MYH6: variants seen among roughly 807,000 people sequenced by gnomAD.
The protein encoded by MYH6 is myosin-6.
Under a neutral mutation model 223.2 loss-of-function variants are expected in MYH6, and 126 were observed. That is an observed-to-expected ratio of 0.56 (90% CI 0.49 to 0.65). The LOEUF (loss-of-function observed/expected upper bound fraction) is 0.65. Among genes scored for constraint, MYH6 ranks in the 30% least tolerant of loss-of-function variants. The pLI, the probability that MYH6 is intolerant of heterozygous loss-of-function variation, is 0.00. For synonymous variants in MYH6, 978 were observed against 1,010.2 expected (o/e 0.97, Z 0.61); for missense variants, 2,040 against 2,536.4 (o/e 0.80, Z 4.20).
Position 23,405,037 on chromosome 14 carries a change from C to G in MYH6, c.530+63G>C. On this transcript the variant is annotated intron_variant, in intron 6 of 38. Coordinates refer to ENST00000405093, the MANE Select transcript of MYH6 (RefSeq NM_002471.4). The surrounding 1 kb of genome is among the most constrained non-coding windows in gnomAD (Gnocchi z 4.7). ...CTTAAACCTCTCCTCCCAACTACAC[C>G]CTAGGCATCAGCGTGTATGCCCCCA... 4 of 1,607,496 alleles carry G rather than the reference C, an allele frequency of 2.5e-6. No homozygotes were observed. The highest frequency in any genetic ancestry group is 3.3e-5 in the Admixed American group (2 of 59,994).
rs192634230 is a variant in MYH6 at position 23,401,119 on chromosome 14, G to T, written c.1142-142C>A. 2.3e-4 allele frequency: 322 copies of T among 1,370,518 alleles called. No individual in the cohort carries two copies. In the African/African-American group the frequency reaches 4.5e-3, roughly 19 times the overall value. 84.9% of individuals were successfully genotyped at this position (1,370,518 alleles called of 1,614,324 possible). A position where few individuals can be genotyped will look rare whatever the true frequency, so the allele number is the denominator to read the frequency against. On this transcript the variant is annotated intron_variant, in intron 12 of 38. Coordinates refer to ENST00000405093, the MANE Select transcript of MYH6 (RefSeq NM_002471.4). ...CCTCCTGGGTTCAAGTGATTTTCCT[G>T]CCTCAGCCTCCCAAGTAGCTGGGAC...
chr14:23,405,278 C>T lies in MYH6; in HGVS notation c.447G>A (p.Glu149=), dbSNP rs748910724. ...VAAYRGKKRS[E]APPHIFSISD... is the part of the protein sequence containing the mutation. Reference sequence around the variant, plus strand: ...AGATGGAGAAGATGTGGGGCGGGGCCTCACTCCTCTTCTTGCCCCGGTAGG... The same window carrying T: ...AGATGGAGAAGATGTGGGGCGGGGCTTCACTCCTCTTCTTGCCCCGGTAGG... Residue 149 remains glutamate, a synonymous_variant, in exon 5 of 39, where the codon GAG becomes GAA. Transcript: ENST00000405093. This position sits in a 1 kb window ranked among gnomAD's most constrained non-coding sequence, Gnocchi z 4.7. 1 of 1,614,150 alleles carries T rather than the reference C, an allele frequency of 6.2e-7. No individual in the cohort carries two copies. The highest frequency in any genetic ancestry group is 8.5e-7 in the Non-Finnish European group (1 of 1,180,026).
In MYH6 at chr14:23,394,244, T is replaced by G; in HGVS notation, c.2509A>C (p.Lys837Gln). ...GCGCTCTTCAGCAGCGGCTTGATCT[T>G]GAAGTAGAGCTTCATCCAGGGCCAA... Reference protein sequence around the residue: ...KNWPWMKLYFKIKPLLKSAET... With the variant: ...KNWPWMKLYFQIKPLLKSAET... The change falls in exon 21 of 39, where the codon AAG (lysine) becomes CAG (glutamine). Residue 837 changes from lysine to glutamine, a missense_variant. By Grantham distance (53) the Lys-to-Gln change is moderately conservative. Coordinates refer to ENST00000405093, the MANE Select transcript of MYH6 (RefSeq NM_002471.4). The G allele has an allele frequency of 1.2e-6, 2 of 1,614,232 alleles. No homozygotes were observed. Among genetic ancestry groups the G allele is most frequent in the Non-Finnish European group, 1.7e-6 (2 of 1,180,046 alleles).
intron 26 of MYH6, 55 bp from the exon 27 acceptor site, chr14:23,389,774 G>A: frequency 6.2e-7 from 1 of 1,613,796 alleles, no homozygotes; most frequent in South Asian, 1.1e-5. Context: ...TCGACCAGAG[G>A]AAGGAAGAGA....
At chr14:23,392,423 G>T (rs759214193) in intron 25 of MYH6, 139 bp downstream of exon 25, 3 of 773,972 alleles carry the variant, frequency 3.9e-6, no homozygotes, top group African/African-American at 1.7e-5. Context: ...GTTCCTGAGC[G>T]CCTGTAAGTC....
intron 20 of MYH6, among the ~76,000 whole-genome samples, chr14:23,395,718 T>C (rs913216989): frequency 1.3e-5 from 2 of 152,066 alleles, no homozygotes; most frequent in African/African-American, 4.8e-5. Context: ...TTAGTAGAGA[T>C]GGGGTTTCAC....
rs201830842 is a variant in MYH6, at chr14:23,387,804, G to A, written c.4479C>T (p.Ser1493=). The A allele has an allele frequency of 2.5e-6, 4 of 1,614,022 alleles. No individual in the cohort carries two copies. The highest frequency in any genetic ancestry group is 1.3e-5 in the African/African-American group (1 of 74,972). ...LFKLKNAYEE[S]LEHLETFKRE... ...GCTTGAAGGTCTCTAGGTGCTCCAG[G>A]GACTCCTCGTAGGCGTTCTTGAGCT... Residue 1493 remains serine, a synonymous_variant, in exon 31 of 39, where the codon TCC becomes TCT. Transcript: ENST00000405093.
chr14:23,400,531 T>G, intron 13 of MYH6, 105 bp from the exon 14 acceptor site: 3 of 1,596,536 alleles, frequency 1.9e-6, no homozygotes, highest in Non-Finnish European at 2.6e-6. Context: ...GGCTGTCCCC[T>G]CCATGTCAGG....
At position 23,387,806 on chromosome 14, in the gene MYH6, ACTC is replaced by A. The variant is rs750730333; in HGVS notation, c.4474_4476del (p.Glu1492del). The A allele has an allele frequency of 3.1e-6, 5 of 1,613,060 alleles. No homozygotes were observed. The South Asian group carries it at 4.4e-5, about 14-fold the overall frequency. On this transcript the variant is annotated inframe_deletion, in exon 31 of 39. Coordinates refer to ENST00000405093, the MANE Select transcript of MYH6 (RefSeq NM_002471.4). ...TTGAAGGTCTCTAGGTGCTCCAGGG[ACTC>A]CTCGTAGGCGTTCTTGAGCTTGAAG...
chr14:23,400,358 G>A lies in MYH6; in HGVS notation c.1479C>T (p.His493=), dbSNP rs757784796. 1.2e-6 allele frequency: 2 copies of A among 1,614,234 alleles called. No individual in the cohort carries two copies. The highest frequency in any genetic ancestry group is 1.7e-6 in the Non-Finnish European group (2 of 1,180,044). The change falls in exon 14 of 39, where the codon CAC becomes CAT. Residue 493 remains histidine (H), a synonymous_variant. Coordinates refer to ENST00000405093, the MANE Select transcript of MYH6 (RefSeq NM_002471.4). ...ACTCCTCCTGCTCCAGCACGAACAT[G>A]TGGTGGTTGAAGAACTGCTGCAGCT... is the stretch of plus-strand genomic sequence containing the variant. ...NEKLQQFFNH[H]MFVLEQEEYK...
In MYH6 at chr14:23,387,824, T is replaced by C; in HGVS notation, c.4459A>G (p.Lys1487Glu). Residue 1487 changes from lysine to glutamate, a missense_variant, in exon 31 of 39, where the codon AAG (lysine) becomes GAG (glutamate). Lys to Glu is a moderately conservative substitution (Grantham distance 56). Coordinates refer to ENST00000405093, the MANE Select transcript of MYH6 (RefSeq NM_002471.4). ...RSLSTELFKL[K>E]NAYEESLEHL... ...TCCAGGGACTCCTCGTAGGCGTTCT[T>C]GAGCTTGAAGAGCTCTGTGCTGAGG... The C allele has an allele frequency of 6.2e-7, 1 of 1,614,136 alleles. No homozygotes were observed. Among genetic ancestry groups the C allele is most frequent in the South Asian group, 1.1e-5 (1 of 91,082 alleles).
chr14:23,389,842 C>T (rs1161139554), intron 26 of MYH6, 123 bp from the exon 27 acceptor site: 36 of 1,552,812 alleles, frequency 2.3e-5, no homozygotes, highest in Middle Eastern at 1.7e-4. Flanking sequence ...TGTGGGAGGG[C>T]GCAGTCTGAA....
intron 23 of MYH6, 66 bp downstream of exon 23, chr14:23,393,276 T>C: frequency 2.5e-6 from 4 of 1,601,304 alleles, no homozygotes; most frequent in Non-Finnish European, 1.7e-6. Context: ...ATCAGGACTT[T>C]CTGGGCCATT....
intron 15 of MYH6, among the ~76,000 whole-genome samples, chr14:23,397,940 C>CTTCTTCTTCTTCTTCTTCTTCTTCTAT: frequency 1.9e-5 from 1 of 53,250 alleles, no homozygotes; most frequent in Admixed American, 2.0e-4. Flanking sequence ...TCCTCTTCTT[C>CTTCTTCTTCTTCTTCTTCTTCTTCTAT]TTCTTCTTCT....
chr14:23,397,144 C>T lies in MYH6; in HGVS notation c.2050+26G>A, dbSNP rs749077032. On this transcript the variant is annotated intron_variant, in intron 17 of 38. Coordinates refer to ENST00000405093, the MANE Select transcript of MYH6 (RefSeq NM_002471.4). ...TAAAGTGGATGCCAGCTGTCCTCCC[C>T]AGACTAAGGTCTTCTCCTGGCTCAC... is the stretch of plus-strand genomic sequence containing the variant. 9 of 1,614,220 alleles carry T rather than the reference C, an allele frequency of 5.6e-6. 1 individual carries two copies. In the South Asian group the frequency reaches 9.9e-5, roughly 18 times the overall value.
chr14:23,393,067 G>A lies in MYH6; in HGVS notation c.3106-10C>T. 1.2e-6 allele frequency: 2 copies of A among 1,614,130 alleles called. No individual in the cohort carries two copies. Among genetic ancestry groups the A allele is most frequent in the Non-Finnish European group, 1.7e-6 (2 of 1,180,020 alleles). The stretch of plus-strand genomic sequence containing the variant: ...CTAGGGATCCCTCCAGCTGTTGGAG[G>A]GAAGAAAATAAGCAAAGTGTGGAAA... On this transcript the variant is annotated splice_polypyrimidine_tract_variant and intron_variant, in intron 23 of 38. Coordinates refer to ENST00000405093, the MANE Select transcript of MYH6 (RefSeq NM_002471.4).
In MYH6 at chr14:23,383,296, G is replaced by C. The variant is rs1045668939; in HGVS notation, c.5590C>G (p.Leu1864Val). 2 of 1,227,510 alleles carry C rather than the reference G, an allele frequency of 1.6e-6. No homozygotes were observed. Among genetic ancestry groups the C allele is most frequent in the Admixed American group, 2.0e-5 (1 of 49,646 alleles). 76.0% of individuals were successfully genotyped at this position (1,227,510 alleles called of 1,614,324 possible). The change falls in exon 37 of 39, where the codon CTG (leucine) becomes GTG (valine). Residue 1864 changes from leucine to valine, a missense_variant. Leu to Val is a conservative substitution (Grantham distance 32). Around this residue, in one of 4 missense-constraint regions of MYH6, gnomAD observed 1,203 missense variants for 1,400.2 expected, o/e 0.86. Coordinates refer to ENST00000405093, the MANE Select transcript of MYH6 (RefSeq NM_002471.4). ...YQTEEDKKNLLRLQDLVDKLQ... is the reference protein window; with the variant it reads ...YQTEEDKKNLVRLQDLVDKLQ... The stretch of plus-strand genomic sequence containing the variant: ...TTGTCCACCAGGTCCTGTAGCCGCA[G>C]CAGGTTCTTTTTGTCTTCCTCTGTC...
intron 37 of MYH6, among the ~76,000 whole-genome samples, chr14:23,382,815 C>T (rs1890900354): frequency 6.6e-6 from 1 of 152,200 alleles, no homozygotes; most frequent in South Asian, 2.1e-4. Flanking sequence ...CTTCAGAATC[C>T]TGTTTTGCTG....
At position 23,386,590 on chromosome 14, in the gene MYH6, G is replaced by A. The variant is rs756237624; in HGVS notation, c.4684C>T (p.Arg1562Trp). 27 of 1,612,224 alleles carry A rather than the reference G, an allele frequency of 1.7e-5. No homozygotes were observed. The highest frequency in any genetic ancestry group is 6.7e-5 in the African/African-American group (5 of 74,874). ...ATCTGGTTGAACTCTAGCTGGGCCC[G>A]GAGGATCTTGCCCTCCTCGTGCTCC... ...SLEHEEGKILRAQLEFNQIKA... is the reference protein window; with the variant it reads ...SLEHEEGKILWAQLEFNQIKA... The change falls in exon 33 of 39, where the codon CGG becomes TGG. Residue 1562 changes from arginine (R) to tryptophan (W), a missense_variant. Around this residue, in one of 4 missense-constraint regions of MYH6, gnomAD observed 1,203 missense variants for 1,400.2 expected, o/e 0.86. Coordinates refer to ENST00000405093, the MANE Select transcript of MYH6 (RefSeq NM_002471.4).
Sources: allele counts gnomAD v4.1 joint callset (sites outside exome capture counted in the v4.1 genomes callset), GRCh38; gene constraint gnomAD v4.1.1; regional missense constraint gnomAD v4.1.1; non-coding constraint Gnocchi (gnomAD v3.1); transcripts MANE v1.5; gene names NCBI Gene and HGNC (gene_info 2026-07-23, HGNC 2026-07-21).